The following CSMD1 variants were observed in gnomAD, a reference collection of about 807,000 sequenced individuals.
CSMD1 encodes the protein CUB and sushi domain-containing protein 1.
Under a neutral mutation model 417.5 loss-of-function variants are expected in CSMD1, and 213 were observed. The ratio of observed to expected loss-of-function variants is 0.51; its 90% CI spans 0.46 to 0.57. CSMD1 has a LOEUF of 0.57. Ranked by LOEUF, CSMD1 falls within the 20% of genes least tolerant of loss-of-function variation. CSMD1 has a pLI of 0.00. For synonymous variants in CSMD1, 2,862 were observed against 1,736.8 expected, an observed-to-expected ratio of 1.65 and a Z score of -16.11; for missense variants, 6,923 against 4,529.7, an observed-to-expected ratio of 1.53 and a Z score of -15.17.
chr8:3,832,382 A>T (rs1802427771), intron 5 of CSMD1, among the ~76,000 whole-genome samples: 1 of 152,090 alleles, frequency 6.6e-6, no homozygotes. Flanking sequence ...TTCTGGTGAC[A>T]TTTTCTCAAT....
intron 1 of CSMD1, among the ~76,000 whole-genome samples, chr8:4,660,111 G>C (rs1190940732): frequency 2.2e-5 from 2 of 92,246 alleles, no homozygotes; most frequent in Non-Finnish European, 4.2e-5. Context: ...TTCTCAACCA[G>C]TGCAAAAAAA....
At chr8:3,183,354 G>A (rs1473646085) in intron 36 of CSMD1, among the ~76,000 whole-genome samples, 2 of 147,306 alleles carry the variant, frequency 1.4e-5, no homozygotes, top group African/African-American at 5.0e-5. Flanking sequence ...GGTCTCTAAT[G>A]TTTCTTAACG....
At chr8:3,071,190 G>C (rs1205477257) in intron 49 of CSMD1, among the ~76,000 whole-genome samples, 1 of 152,106 alleles carries the variant, frequency 6.6e-6, no homozygotes, top group African/African-American at 2.4e-5. Context: ...TCCAGCATTG[G>C]GCATTACAAT....
intron 6 of CSMD1, among the ~76,000 whole-genome samples, chr8:3,711,836 T>C (rs993909632): frequency 6.6e-6 from 1 of 151,862 alleles, no homozygotes; most frequent in African/African-American, 2.4e-5. Context: ...AATAAGAAAA[T>C]CAATGGGAAA....
chr8:3,632,413 G>A (rs6997325), intron 7 of CSMD1, among the ~76,000 whole-genome samples: 1 of 151,934 alleles, frequency 6.6e-6, no homozygotes, highest in Non-Finnish European at 1.5e-5. Context: ...CCTGGGATAT[G>A]TCCATGTTAT....
At chr8:3,709,096 G>T (rs1217682064) in intron 6 of CSMD1, among the ~76,000 whole-genome samples, 2 of 151,200 alleles carry the variant, frequency 1.3e-5, no homozygotes, top group Admixed American at 6.6e-5. Context: ...ATCATTCTGA[G>T]AGTTAAATAT....
At chr8:3,669,439 C>A (rs1798872482) in intron 7 of CSMD1, among the ~76,000 whole-genome samples, 2 of 152,122 alleles carry the variant, frequency 1.3e-5, no homozygotes, top group South Asian at 4.1e-4. Context: ...AGGGACTCCA[C>A]TGATGGTCCT....
chr8:3,479,020 ACC>A (rs1328319986), intron 11 of CSMD1, among the ~76,000 whole-genome samples: 1 of 151,678 alleles, frequency 6.6e-6, no homozygotes, highest in Non-Finnish European at 1.5e-5. Context: ...AGCCCACCCA[ACC>A]CCATGCACTC....
chr8:3,691,633 G>C (rs1041712373), intron 7 of CSMD1, among the ~76,000 whole-genome samples: 2 of 152,128 alleles, frequency 1.3e-5, no homozygotes, highest in Admixed American at 6.5e-5. Context: ...ACAACTGACA[G>C]TGTTCCTAAG....
chr8:3,359,001 C>T (rs1041820365), intron 21 of CSMD1, 151 bp downstream of exon 21: 1 of 657,104 alleles, frequency 1.5e-6, no homozygotes, highest in East Asian at 2.7e-5. Flanking sequence ...AGGCAGCTCC[C>T]CTCTCCCCTG....
At chr8:4,055,693 GA>G (rs1798655324) in intron 3 of CSMD1, among the ~76,000 whole-genome samples, 1 of 152,012 alleles carries the variant, frequency 6.6e-6, no homozygotes, top group South Asian at 2.1e-4. Flanking sequence ...AATATACTTT[GA>G]AAAATCACCA....
intron 10 of CSMD1, among the ~76,000 whole-genome samples, chr8:3,546,696 T>A (rs1798679556): frequency 6.6e-6 from 1 of 152,094 alleles, no homozygotes; most frequent in Admixed American, 6.6e-5. Flanking sequence ...GCTGGACAAA[T>A]CTTCAATCAA....
intron 3 of CSMD1, among the ~76,000 whole-genome samples, chr8:4,202,302 C>G: frequency 6.6e-6 from 1 of 152,258 alleles, no homozygotes; most frequent in East Asian, 1.9e-4. Context: ...AATGAAGCAT[C>G]TGCCTATTTG....
chr8:3,725,066 C>T (rs1016923936), intron 6 of CSMD1, among the ~76,000 whole-genome samples: 3 of 152,138 alleles, frequency 2.0e-5, no homozygotes, highest in Non-Finnish European at 2.9e-5. Context: ...AGGAGTGAGG[C>T]AGGAGGTTAA....
chr8:3,312,750 G>T (rs996062918), intron 23 of CSMD1, among the ~76,000 whole-genome samples: 1 of 152,070 alleles, frequency 6.6e-6, no homozygotes, highest in African/African-American at 2.4e-5. Flanking sequence ...TGCCTCCACC[G>T]TTAAACTGTG....
At chr8:4,959,656 G>A (rs1043638568) in intron 1 of CSMD1, among the ~76,000 whole-genome samples, 8 of 152,182 alleles carry the variant, frequency 5.3e-5, no homozygotes, top group East Asian at 1.9e-4. Context: ...TCTTCTCAGC[G>A]TATTATCTAG....
chr8:4,513,402 T>C (rs1362201077), intron 2 of CSMD1, among the ~76,000 whole-genome samples: 1 of 152,182 alleles, frequency 6.6e-6, no homozygotes, highest in East Asian at 1.9e-4. Flanking sequence ...AAGTAGCACC[T>C]GTAAAATTTT....
At position 3,081,079 on chromosome 8, in the gene CSMD1, G is replaced by C. The variant is rs1208754141; in HGVS notation, c.7474+6018C>G. Among the ~76,000 whole-genome samples, 3 of 152,156 alleles carry C rather than the reference G, an allele frequency of 2.0e-5. No homozygotes were observed. The East Asian group carries it at 5.8e-4, about 29-fold the overall frequency. ...AAAATGTTTACCAAATGGCTACAAG[G>C]GGCAGGGTATTTTGCCCGGGTCCGA... On this transcript the variant is annotated intron_variant, in intron 49 of 69. Coordinates refer to ENST00000635120, the MANE Select transcript of CSMD1 (RefSeq NM_033225.6).
At chr8:4,156,833 C>G (rs1796862084) in intron 3 of CSMD1, among the ~76,000 whole-genome samples, 2 of 151,792 alleles carry the variant, frequency 1.3e-5, no homozygotes, top group Admixed American at 6.6e-5. Context: ...ACTATGAACA[C>G]AATCACAGGG....
Sources: gnomAD v4.1 joint callset for allele counts (sites outside exome capture counted in the v4.1 genomes callset) on GRCh38, gnomAD v4.1.1 for gene constraint, MANE v1.5 for transcripts, NCBI Gene and HGNC (gene_info 2026-07-23, HGNC 2026-07-21) for gene names.